Variants in GBF1 observed in about 807,000 individuals in gnomAD.
The protein encoded by GBF1 is golgi brefeldin A resistant guanine nucleotide exchange factor 1, also known as Golgi-specific brefeldin A-resistance guanine nucleotide exchange factor 1.
Under a neutral mutation model 210.5 loss-of-function variants are expected in GBF1, and 114 were observed. The ratio of observed to expected loss-of-function variants is 0.54; its 90% CI spans 0.47 to 0.63. The LOEUF is 0.63. GBF1 is among the 30% of genes least tolerant of loss of function. GBF1 has a pLI of 0.00. For missense variants in GBF1, 1,851 were observed against 2,357.7 expected (o/e 0.79, Z 4.45); for synonymous variants, 850 against 889.2 (o/e 0.96, Z 0.78).
At chr10:102,376,187 C>A in intron 30 of GBF1, 85 bp from the exon 31 acceptor site, 1 of 1,031,896 alleles carries the variant, frequency 9.7e-7, no homozygotes, top group South Asian at 1.4e-5. Context: ...CAGGCCTCAG[C>A]ATCTTTTTTC....
At chr10:102,332,363 C>T (rs1375809670) in intron 3 of GBF1, among the ~76,000 whole-genome samples, 1 of 150,130 alleles carries the variant, frequency 6.7e-6, no homozygotes, top group Non-Finnish European at 1.5e-5. Context: ...GATCCACAGA[C>T]ACAGAGGGTC....
chr10:102,370,986 C>CCCTGTGGTTGGT, intron 29 of GBF1, 126 bp downstream of exon 29: 1 of 901,910 alleles, frequency 1.1e-6, no homozygotes, highest in Non-Finnish European at 1.7e-6. Context: ...CAGTGACCAA[C>CCCTGTGGTTGGT]CACAGGGCTG....
At chr10:102,361,637 A>T in intron 13 of GBF1, 81 bp from the exon 14 acceptor site, 2 of 925,692 alleles carry the variant, frequency 2.2e-6, no homozygotes, top group Non-Finnish European at 3.3e-6. Flanking sequence ...CATCCTGTTT[A>T]ATGTTTTTCC....
chr10:102,346,958 T>C (rs1287862320), intron 4 of GBF1, among the ~76,000 whole-genome samples: 39 of 152,246 alleles, frequency 2.6e-4, no homozygotes, highest in Admixed American at 2.6e-3. Flanking sequence ...AGCATTACAA[T>C]TATTTGCTCC....
chr10:102,371,001 A>G (rs781775621), intron 29 of GBF1, 141 bp downstream of exon 29: 11 of 812,490 alleles, frequency 1.4e-5, no homozygotes, highest in Admixed American at 7.2e-5. Flanking sequence ...GGGCTGGTGC[A>G]GTCTAGCGGG....
chr10:102,368,703 G>A, intron 22 of GBF1, 36 bp from the exon 23 acceptor site: 2 of 1,482,420 alleles, frequency 1.3e-6, no homozygotes, highest in African/African-American at 1.4e-5. Context: ...TGGCCTTCCA[G>A]TGACTCTGTT....
chr10:102,316,169 C>T (rs925005851), intron 3 of GBF1, among the ~76,000 whole-genome samples: 1 of 150,892 alleles, frequency 6.6e-6, no homozygotes. Flanking sequence ...TCACTGCAAC[C>T]TCTGCCTCCT....
At chr10:102,262,973 C>A (rs140865726) in intron 3 of GBF1, among the ~76,000 whole-genome samples, 6 of 152,274 alleles carry the variant, frequency 3.9e-5, no homozygotes, top group African/African-American at 1.4e-4. Flanking sequence ...TTTTCCAAGG[C>A]CAACAGCTGT....
In GBF1 at chr10:102,358,201, C is replaced by T. The variant is rs2295584; in HGVS notation, c.787+15C>T. 141 of 1,606,658 alleles carry T rather than the reference C, an allele frequency of 8.8e-5. 2 individuals are homozygous for T. In the East Asian group the frequency reaches 3.1e-3, roughly 35 times the overall value. On this transcript the variant is annotated intron_variant, in intron 9 of 39. Coordinates refer to ENST00000369983, the MANE Select transcript of GBF1 (RefSeq NM_001377137.1). ...TAACCTCACTGGTGAGTGCCCTGGA[C>T]TACTTCCTCTGATTAGACAAAAGAA...
intron 3 of GBF1, among the ~76,000 whole-genome samples, chr10:102,260,476 C>CTT (rs60452124): frequency 3.3e-4 from 24 of 72,430 alleles, no homozygotes; most frequent in East Asian, 1.8e-3. Context: ...TTCCTTTCTT[C>CTT]TTTTTTTTTT....
intron 3 of GBF1, among the ~76,000 whole-genome samples, chr10:102,290,644 G>A (rs1410345167): frequency 6.6e-6 from 1 of 152,100 alleles, no homozygotes; most frequent in Non-Finnish European, 1.5e-5. Context: ...GACTACAGGT[G>A]TGTGCCTCCA....
At chr10:102,338,632 T>C (rs1330181430) in intron 3 of GBF1, among the ~76,000 whole-genome samples, 2 of 151,884 alleles carry the variant, frequency 1.3e-5, no homozygotes, top group Non-Finnish European at 2.9e-5. Flanking sequence ...TTGACTGAAT[T>C]GTATGCTGTG....
intron 4 of GBF1, among the ~76,000 whole-genome samples, chr10:102,349,507 G>T (rs2058791943): frequency 6.6e-6 from 1 of 152,136 alleles, no homozygotes; most frequent in Non-Finnish European, 1.5e-5. Context: ...ACTCCATCTG[G>T]CCTGGATGAC....
At chr10:102,305,540 G>A (rs144431176) in intron 3 of GBF1, among the ~76,000 whole-genome samples, 1 of 152,008 alleles carries the variant, frequency 6.6e-6, no homozygotes, top group Non-Finnish European at 1.5e-5. Context: ...AACCCAGGAG[G>A]CACAGGTTGA....
In GBF1 at chr10:102,335,891, A is replaced by G. The variant is rs144895617; in HGVS notation, c.164-8160A>G. Among the ~76,000 whole-genome samples the G allele has an allele frequency of 5.9e-3, 898 of 152,246 alleles. 7 individuals are homozygous for G. Among genetic ancestry groups the G allele is most frequent in the Middle Eastern group, 0.014 (4 of 292 alleles). ...TCAGAAATTAAAAGTGCTATCCCAA[A>G]TTGTACCGTAAATATCAACCACCCG... On this transcript the variant is annotated intron_variant, in intron 3 of 39. Coordinates refer to ENST00000369983, the MANE Select transcript of GBF1 (RefSeq NM_001377137.1).
intron 3 of GBF1, among the ~76,000 whole-genome samples, chr10:102,307,517 A>C (rs1349569837): frequency 6.6e-6 from 1 of 151,790 alleles, no homozygotes; most frequent in African/African-American, 2.4e-5. Context: ...CCAGCTGGGC[A>C]CAGTGGCTCA....
Position 102,295,831 on chromosome 10 carries a change from A to AT in GBF1, c.163+35717dup, listed in dbSNP as rs200214710. ...AGAGGCAGTTCTGTTAGCTATACTG[A>AT]TTAAGGGTTGTCACCAGAACCTTAC... On this transcript the variant is annotated intron_variant, in intron 3 of 39. Coordinates refer to ENST00000369983, the MANE Select transcript of GBF1 (RefSeq NM_001377137.1). Among the ~76,000 whole-genome samples, 51 of 152,318 alleles carry AT rather than the reference A, an allele frequency of 3.3e-4. No individual in the cohort carries two copies. In the East Asian group the frequency reaches 9.4e-3, roughly 28 times the overall value.
At chr10:102,230,953 G>A in the GBF1 span, 1 of 1,608,330 alleles carries the variant, frequency 6.2e-7, no homozygotes, top group Non-Finnish European at 8.5e-7. Context: ...AGCCTTGGGC[G>A]GCCAGTTGCC....
chr10:102,352,072 G>A (rs948202190), intron 6 of GBF1, 121 bp downstream of exon 6: 9 of 686,524 alleles, frequency 1.3e-5, no homozygotes, highest in Admixed American at 6.4e-5. Context: ...TATCTCATGC[G>A]ATCATAGGGG....
Sources: allele counts gnomAD v4.1 joint callset (sites outside exome capture counted in the v4.1 genomes callset), GRCh38; gene constraint gnomAD v4.1.1; transcripts MANE v1.5; gene names NCBI Gene and HGNC (gene_info 2026-07-23, HGNC 2026-07-21).